Variants in KIAA0753 observed in about 807,000 individuals in gnomAD.
KIAA0753 encodes protein moonraker.
A neutral mutation model predicts 116.9 loss-of-function variants in KIAA0753; 114 were observed. The observed-to-expected ratio is 0.98, with a 90% CI of 0.84 to 1.14. The LOEUF (loss-of-function observed/expected upper bound fraction) is 1.14, where lower values mean the gene tolerates loss of function less well. Ranked by LOEUF, KIAA0753 falls within the 50% of genes most tolerant of loss-of-function variation. The pLI is 0.00. For missense variants in KIAA0753, 1,156 were observed against 1,172.4 expected, an observed-to-expected ratio of 0.99 and a Z score of 0.20; for synonymous variants, 405 against 413.1, an observed-to-expected ratio of 0.98 and a Z score of 0.24.
At chr17:6,634,569 AATG>A (rs1463985395) in intron 2 of KIAA0753, among the ~76,000 whole-genome samples, 1 of 152,226 alleles carries the variant, frequency 6.6e-6, no homozygotes, top group Non-Finnish European at 1.5e-5. Flanking sequence ...AGTGAAATAT[AATG>A]GAATCTAGGT....
chr17:6,622,438 T>C (rs1971389693), intron 6 of KIAA0753, among the ~76,000 whole-genome samples: 1 of 152,242 alleles, frequency 6.6e-6, no homozygotes, highest in African/African-American at 2.4e-5. Context: ...TTTCTAGACG[T>C]CTCTAGCTAT....
intron 15 of KIAA0753, 134 bp from the exon 16 acceptor site, chr17:6,595,187 C>T (rs1033258254): frequency 5.3e-5 from 34 of 638,926 alleles, no homozygotes; most frequent in Non-Finnish European, 8.3e-5. Context: ...ACCTGTCAGG[C>T]CAGGAAGTAA....
At chr17:6,596,962 C>T (rs990083190) in intron 14 of KIAA0753, among the ~76,000 whole-genome samples, 1 of 152,168 alleles carries the variant, frequency 6.6e-6, no homozygotes, top group African/African-American at 2.4e-5. Flanking sequence ...AGAATGTTTG[C>T]TGGGGGAATT....
intron 3 of KIAA0753, among the ~76,000 whole-genome samples, chr17:6,626,900 T>C (rs570645091): frequency 6.6e-6 from 1 of 152,304 alleles, no homozygotes; most frequent in South Asian, 2.1e-4. Context: ...CAGTGGGCCT[T>C]GTGGCTTTGT....
At chr17:6,608,802 G>A (rs1450177138) in intron 9 of KIAA0753, among the ~76,000 whole-genome samples, 2 of 152,112 alleles carry the variant, frequency 1.3e-5, no homozygotes, top group Non-Finnish European at 2.9e-5. Flanking sequence ...AGGCAACTCC[G>A]TATCTTTATA....
In KIAA0753 at chr17:6,639,055, G is replaced by A; in HGVS notation, c.-69+1582C>T. 1 of 152,794 alleles carries A rather than the reference G, an allele frequency of 6.5e-6. No individual in the cohort carries two copies. Among genetic ancestry groups the A allele is most frequent in the Non-Finnish European group, 1.5e-5 (1 of 68,584 alleles). The allele number at this position is 152,794 out of a possible 1,614,324, so 9.5% of individuals were successfully genotyped here. The stretch of plus-strand genomic sequence containing the variant: ...ACCTCCACATCTAGTTTCCTCTTCA[G>A]CAGCACAGGGCACCCCAACAGAGTA... On this transcript the variant is annotated intron_variant, in intron 1 of 18. Transcript: ENST00000361413. This position sits in a 1 kb window ranked among gnomAD's most constrained non-coding sequence, Gnocchi z 4.3.
intron 6 of KIAA0753, 68 bp from the exon 7 acceptor site, chr17:6,621,066 T>G: frequency 6.9e-7 from 1 of 1,442,732 alleles, no homozygotes. Flanking sequence ...ATCACAAAAC[T>G]GAAAATAAGG....
At chr17:6,624,251 T>C (rs537524942) in intron 4 of KIAA0753, among the ~76,000 whole-genome samples, 169 of 152,308 alleles carry the variant, frequency 1.1e-3, no homozygotes, top group African/African-American at 3.8e-3. Flanking sequence ...CAAAGACACT[T>C]AACATGGTCT....
chr17:6,584,071 G>T (rs1218869759), intron 18 of KIAA0753, among the ~76,000 whole-genome samples: 1 of 152,066 alleles, frequency 6.6e-6, no homozygotes, highest in East Asian at 1.9e-4. Context: ...CAGGTCACCT[G>T]TACTTCCAGA....
intron 12 of KIAA0753, among the ~76,000 whole-genome samples, chr17:6,603,921 C>T (rs958239300): frequency 7.9e-5 from 12 of 152,148 alleles, no homozygotes; most frequent in African/African-American, 2.7e-4. Flanking sequence ...CAAACAAGTA[C>T]ATGAAAAGAT....
intron 1 of KIAA0753, 160 bp from the exon 2 acceptor site, chr17:6,635,331 C>G: frequency 3.1e-6 from 1 of 320,916 alleles, no homozygotes; most frequent in Non-Finnish European, 5.3e-6. Flanking sequence ...TAGTTTCTTC[C>G]ATTTATAAAA....
intron 16 of KIAA0753, 86 bp downstream of exon 16, chr17:6,594,886 G>A: frequency 1.0e-6 from 1 of 970,552 alleles, no homozygotes; most frequent in Admixed American, 2.0e-5. Flanking sequence ...GTATAGCAGT[G>A]TTTACTATAC....
intron 16 of KIAA0753, among the ~76,000 whole-genome samples, chr17:6,591,055 A>G (rs200595658): frequency 1.3e-4 from 8 of 63,338 alleles, no homozygotes; most frequent in African/African-American, 6.1e-4. Flanking sequence ...AAGAAGAAGA[A>G]GAAGAAGAAG....
chr17:6,635,166 C>T lies in KIAA0753; in HGVS notation c.-63G>A. ...CATCCGGCAACAGTCTTCCCTAAAA[C>T]CATTCCTAAAACGAAACAAAGCTAC... On this transcript the variant is annotated 5_prime_UTR_variant, in exon 2 of 19. Coordinates refer to ENST00000361413, the MANE Select transcript of KIAA0753 (RefSeq NM_014804.3). 3 of 1,263,756 alleles carry T rather than the reference C, an allele frequency of 2.4e-6. No homozygotes were observed. The highest frequency in any genetic ancestry group is 3.5e-6 in the Non-Finnish European group (3 of 862,948). 78.3% of individuals were successfully genotyped at this position (1,263,756 alleles called of 1,614,324 possible).
chr17:6,623,362 G>T, intron 5 of KIAA0753, 147 bp downstream of exon 5: 1 of 697,062 alleles, frequency 1.4e-6, no homozygotes, highest in Non-Finnish European at 2.4e-6. Context: ...ACCATATTCA[G>T]AATATGTAAG....
intron 7 of KIAA0753, among the ~76,000 whole-genome samples, chr17:6,617,261 A>T (rs1055039914): frequency 1.5e-4 from 23 of 152,216 alleles, no homozygotes; most frequent in African/African-American, 5.5e-4. Context: ...TGGGCTCATC[A>T]TAGAGGATAT....
At chr17:6,590,361 T>A (rs1968904400) in intron 17 of KIAA0753, 149 bp downstream of exon 17, 3 of 833,954 alleles carry the variant, frequency 3.6e-6, no homozygotes, top group Non-Finnish European at 5.6e-6. Context: ...CTTGTAAACA[T>A]GCTATTTACT....
intron 16 of KIAA0753, among the ~76,000 whole-genome samples, chr17:6,594,037 A>G (rs1233338807): frequency 6.6e-6 from 1 of 152,228 alleles, no homozygotes; most frequent in African/African-American, 2.4e-5. Flanking sequence ...TCAATTTTTT[A>G]TGAAGTTAAA....
chr17:6,608,957 T>C (rs1324955249), intron 9 of KIAA0753, among the ~76,000 whole-genome samples: 2 of 152,178 alleles, frequency 1.3e-5, no homozygotes, highest in East Asian at 1.9e-4. Context: ...TAAATCTCCA[T>C]ATTAATACTT....
Sources: allele counts gnomAD v4.1 joint callset (sites outside exome capture counted in the v4.1 genomes callset), GRCh38; gene constraint gnomAD v4.1.1; non-coding constraint Gnocchi (gnomAD v3.1); transcripts MANE v1.5; gene names NCBI Gene and HGNC (gene_info 2026-07-23, HGNC 2026-07-21).